The following TRIT1 variants were observed in gnomAD, a reference collection of about 807,000 sequenced individuals.
TRIT1 encodes the protein tRNA isopentenyltransferase 1.
In TRIT1, 43 loss-of-function variants were observed where a neutral mutation model predicts 51.2. The observed-to-expected ratio is 0.84, with a 90% confidence interval of 0.66 to 1.08. The LOEUF is 1.08. TRIT1 is among the 50% of genes least tolerant of loss of function. The pLI is 0.00. For missense variants in TRIT1, 528 were observed against 578.4 expected (o/e 0.91, Z 0.89); for synonymous variants, 184 against 203.9 (o/e 0.90, Z 0.83).
intron 1 of TRIT1, among the ~76,000 whole-genome samples, chr1:39,872,239 G>A (rs1643903548): frequency 6.6e-6 from 1 of 151,942 alleles, no homozygotes; most frequent in Non-Finnish European, 1.5e-5. Context: ...AAAATAACCA[G>A]AATATCTGGG....
rs1197309146 is a variant in TRIT1, at chr1:39,838,548, T to C, written c.*3196A>G. Among the ~76,000 whole-genome samples, 1 of 152,230 alleles carries C rather than the reference T, an allele frequency of 6.6e-6. No individual in the cohort carries two copies. Among genetic ancestry groups the C allele is most frequent in the East Asian group, 1.9e-4 (1 of 5,200 alleles). ...ATGCAGTGGCATGATCATGTTTCAC[T>C]GAAGCCTCAATCTCCCAGGCCCAAG... On this transcript the variant is annotated 3_prime_UTR_variant, in exon 11 of 11. Transcript: ENST00000316891.
chr1:39,859,171 G>A (rs917716182), intron 1 of TRIT1, among the ~76,000 whole-genome samples: 5 of 143,032 alleles, frequency 3.5e-5, no homozygotes, highest in Admixed American at 7.4e-5. Flanking sequence ...CAGGAGAATC[G>A]CTTGAACCCA....
intron 1 of TRIT1, among the ~76,000 whole-genome samples, chr1:39,877,427 C>T (rs963293046): frequency 2.0e-5 from 3 of 150,736 alleles, no homozygotes; most frequent in Non-Finnish European, 4.4e-5. Flanking sequence ...TGCCAAAAAT[C>T]ATTTGTTTCT....
In TRIT1 at chr1:39,861,396, T is replaced by C. The variant is rs372889406; in HGVS notation, c.175-3979A>G. 1.7e-4 allele frequency among the ~76,000 whole-genome samples: 26 copies of C among 152,072 alleles called. 1 individual carries two copies. The East Asian group carries it at 4.1e-3, about 24-fold the overall frequency. On this transcript the variant is annotated intron_variant, in intron 1 of 10. Transcript: ENST00000316891. ...ACAACAAAAACTGGAAGAAAAACAATATGGCAGTTCCTCAAAAAATAAAAC... is the reference window on the plus strand; with the variant it reads ...ACAACAAAAACTGGAAGAAAAACAACATGGCAGTTCCTCAAAAAATAAAAC...
At chr1:39,879,735 C>T (rs987822124) in intron 1 of TRIT1, among the ~76,000 whole-genome samples, 4 of 151,382 alleles carry the variant, frequency 2.6e-5, no homozygotes, top group African/African-American at 9.7e-5. Context: ...TAGCCAGGTG[C>T]AGTGGTACAT....
chr1:39,868,276 A>G (rs557456393), intron 1 of TRIT1, among the ~76,000 whole-genome samples: 53 of 152,214 alleles, frequency 3.5e-4, no homozygotes, highest in Non-Finnish European at 7.1e-4. Flanking sequence ...GAGAATGAAA[A>G]AATAAGCCAC....
At chr1:39,851,340 C>T (rs562273574) in intron 4 of TRIT1, among the ~76,000 whole-genome samples, 5 of 151,866 alleles carry the variant, frequency 3.3e-5, no homozygotes, top group East Asian at 3.9e-4. Flanking sequence ...CTCGTTTAGA[C>T]GCAGCAAAAT....
At chr1:39,874,914 C>T (rs536133773) in intron 1 of TRIT1, among the ~76,000 whole-genome samples, 2 of 151,942 alleles carry the variant, frequency 1.3e-5, no homozygotes, top group South Asian at 2.1e-4. Context: ...GTGATCTGCC[C>T]GCCTCAGCCT....
In TRIT1 at chr1:39,844,620, G is replaced by C; in HGVS notation, c.1027C>G (p.Pro343Ala). ...TCAGATACCTCTAAGCCATAGACAGGGGGGACAATGGGACCAGGTCCTAAT... is the reference window on the plus strand; with the variant it reads ...TCAGATACCTCTAAGCCATAGACAGCGGGGACAATGGGACCAGGTCCTAAT... ...FLSRPGPIVPPVYGLEVSDVS... is the reference protein window; with the variant it reads ...FLSRPGPIVPAVYGLEVSDVS... The change falls in exon 9 of 11, where the codon CCT (proline) becomes GCT (alanine). Residue 343 changes from proline (P) to alanine (A), a missense_variant. Pro to Ala is a conservative substitution (Grantham distance 27). Coordinates refer to ENST00000316891, the MANE Select transcript of TRIT1 (RefSeq NM_017646.6). 2 of 1,613,488 alleles carry C rather than the reference G, an allele frequency of 1.2e-6. No individual in the cohort carries two copies. The highest frequency in any genetic ancestry group is 8.5e-7 in the Non-Finnish European group (1 of 1,179,520).
At chr1:39,844,486 T>G (rs1487571536) in intron 9 of TRIT1, 45 bp downstream of exon 9, 1 of 1,470,940 alleles carries the variant, frequency 6.8e-7, no homozygotes, top group East Asian at 2.3e-5. Flanking sequence ...CTAATGAAAG[T>G]GCTCTGAAAA....
intron 3 of TRIT1, among the ~76,000 whole-genome samples, chr1:39,853,344 G>GT (rs34206474): frequency 0.19 from 28,103 of 151,704 alleles, 2,672 homozygotes; most frequent in East Asian, 0.29. Context: ...AACGTACTGG[G>GT]TTTTTTTTAA....
At position 39,848,114 on chromosome 1, in the gene TRIT1, C is replaced by A; in HGVS notation, c.704-17G>T. 1 of 1,607,446 alleles carries A rather than the reference C, an allele frequency of 6.2e-7. No individual in the cohort carries two copies. Among genetic ancestry groups the A allele is most frequent in the Non-Finnish European group, 8.5e-7 (1 of 1,174,056 alleles). ...CATCTAGAACTTGAATCAAATTAGC[C>A]CATCAACCAGCAAGCAAGTTGTAGG... On this transcript the variant is annotated splice_polypyrimidine_tract_variant and intron_variant, in intron 5 of 10. Coordinates refer to ENST00000316891, the MANE Select transcript of TRIT1 (RefSeq NM_017646.6).
rs943774651 is a variant in TRIT1, at chr1:39,840,644, G to T, written c.*1100C>A. On this transcript the variant is annotated 3_prime_UTR_variant, in exon 11 of 11. Coordinates refer to ENST00000316891, the MANE Select transcript of TRIT1 (RefSeq NM_017646.6). ...GCACAAACAAAATGTATTTGAATGG[G>T]GAGTTAACGCTTAAAGGGCACAAAG... Among the ~76,000 whole-genome samples the T allele has an allele frequency of 6.6e-6, 1 of 152,164 alleles. No homozygotes were observed. The highest frequency in any genetic ancestry group is 2.4e-5 in the African/African-American group (1 of 41,436).
chr1:39,855,047 G>A (rs767289931), intron 2 of TRIT1, among the ~76,000 whole-genome samples: 26 of 152,226 alleles, frequency 1.7e-4, no homozygotes, highest in South Asian at 4.1e-4. Flanking sequence ...AAGGTTTCAC[G>A]ATGTTACTTG....
chr1:39,869,120 C>T (rs970084351), intron 1 of TRIT1, among the ~76,000 whole-genome samples: 21 of 151,954 alleles, frequency 1.4e-4, no homozygotes, highest in African/African-American at 4.8e-4. Flanking sequence ...GTCTCCCTCT[C>T]CCTCTCTCTC....
chr1:39,849,144 C>T (rs1473188127), intron 5 of TRIT1, among the ~76,000 whole-genome samples: 1 of 152,148 alleles, frequency 6.6e-6, no homozygotes, highest in African/African-American at 2.4e-5. Context: ...TTATTGAGGA[C>T]CCGTCATGTG....
At chr1:39,862,848 T>C (rs1643328671) in intron 1 of TRIT1, 1 of 985,430 alleles carries the variant, frequency 1.0e-6, no homozygotes, top group Non-Finnish European at 1.2e-6. Context: ...GCCTGAATGC[T>C]GGGAAGAGCC....
intron 1 of TRIT1, among the ~76,000 whole-genome samples, chr1:39,873,813 C>T (rs755720244): frequency 1.3e-5 from 2 of 152,034 alleles, no homozygotes; most frequent in African/African-American, 2.4e-5. Context: ...CACCTGAGGT[C>T]GGGAGTTCGA....
intron 1 of TRIT1, among the ~76,000 whole-genome samples, chr1:39,863,578 T>C (rs145617293): frequency 1.3e-5 from 2 of 152,136 alleles, no homozygotes; most frequent in Admixed American, 6.5e-5. Flanking sequence ...AGGCATTAAA[T>C]TGGGCATTAT....
Sources: gnomAD v4.1 joint callset for allele counts (sites outside exome capture counted in the v4.1 genomes callset) on GRCh38, gnomAD v4.1.1 for gene constraint, MANE v1.5 for transcripts, NCBI Gene and HGNC (gene_info 2026-07-23, HGNC 2026-07-21) for gene names.